KPNA7: variants seen among roughly 807,000 people sequenced by gnomAD.
KPNA7 encodes importin subunit alpha-8.
In KPNA7, 54 loss-of-function variants were observed where a neutral mutation model predicts 53.7. The observed-to-expected ratio is 1.01, with a 90% CI of 0.81 to 1.26. The LOEUF (loss-of-function observed/expected upper bound fraction) is 1.26. KPNA7 is among the 50% of genes most tolerant of loss of function. The probability of loss-of-function intolerance (pLI) is 0.00; values close to 1 mark genes in which losing one functional copy is unlikely to be tolerated. For missense variants in KPNA7, 640 were observed against 644.5 expected (o/e 0.99, Z 0.07); for synonymous variants, 276 against 259.3 (o/e 1.06, Z -0.62).
Position 99,193,239 on chromosome 7 carries a change from G to A in KPNA7, c.554-138C>T, listed in dbSNP as rs952147063. The A allele has an allele frequency of 1.7e-4, 89 of 521,378 alleles. No homozygotes were observed. The Admixed American group carries it at 2.0e-3, about 12-fold the overall frequency. 32.3% of individuals were successfully genotyped at this position (521,378 alleles called of 1,614,324 possible). On this transcript the variant is annotated intron_variant, in intron 5 of 10. Transcript: ENST00000327442. ...TTTAGCAAGTAGGTAGTAGAGCCAC[G>A]TACTAAATTCTGGAAGTCTGGCATG...
the KPNA7 span, among the ~76,000 whole-genome samples, chr7:99,160,049 G>T: frequency 9.0e-6 from 1 of 110,744 alleles, no homozygotes; most frequent in African/African-American, 3.8e-5. Context: ...TTTTGAGACA[G>T]TGTCTCGCTC....
intron 7 of KPNA7, among the ~76,000 whole-genome samples, chr7:99,187,419 TCTCA>T (rs937865642): frequency 1.3e-5 from 2 of 151,974 alleles, no homozygotes; most frequent in African/African-American, 2.4e-5. Context: ...TAATCCCCAG[TCTCA>T]CTGTCACTCT....
chr7:99,181,796 T>A (rs1229923556), intron 9 of KPNA7, 87 bp downstream of exon 9: 1 of 1,221,424 alleles, frequency 8.2e-7, no homozygotes, highest in African/African-American at 1.5e-5. Flanking sequence ...CCTCCCAAAG[T>A]ACAACTTGAA....
At chr7:99,214,497 G>A (rs960481749) in intron 1 of KPNA7, among the ~76,000 whole-genome samples, 1 of 147,400 alleles carries the variant, frequency 6.8e-6, no homozygotes, top group Non-Finnish European at 1.5e-5. Flanking sequence ...TTGTGGTGGT[G>A]TGCACCTGTA....
chr7:99,203,475 A>C (rs539820471), intron 2 of KPNA7, among the ~76,000 whole-genome samples: 1 of 152,286 alleles, frequency 6.6e-6, no homozygotes, highest in Non-Finnish European at 1.5e-5. Context: ...AAGACCATGC[A>C]CAACCTTGAC....
chr7:99,193,093 G>T lies in KPNA7; in HGVS notation c.562C>A (p.Pro188Thr). 2 of 1,492,696 alleles carry T rather than the reference G, an allele frequency of 1.3e-6. No individual in the cohort carries two copies. Among genetic ancestry groups the T allele is most frequent in the Non-Finnish European group, 1.8e-6 (2 of 1,123,390 alleles). 92.5% of individuals were successfully genotyped at this position (1,492,696 alleles called of 1,614,324 possible). Reference protein sequence around the residue: ...WALGNIAGDGPEFRDNVITSN... With the variant: ...WALGNIAGDGTEFRDNVITSN... ...GTGATGACGTTATCTCTGAACTCTG[G>T]GCCATCACCTACAAATAGAGCAGAA... The change falls in exon 6 of 11, where the codon CCA becomes ACA. Residue 188 changes from proline to threonine, a missense_variant. Transcript: ENST00000327442.
chr7:99,162,702 G>C, the KPNA7 span, among the ~76,000 whole-genome samples: 1 of 152,184 alleles, frequency 6.6e-6, no homozygotes, highest in East Asian at 1.9e-4. Context: ...TAGATCACTC[G>C]GACAACAGTG....
chr7:99,174,202 C>A (rs1239676433), intron 10 of KPNA7, among the ~76,000 whole-genome samples: 1 of 152,148 alleles, frequency 6.6e-6, no homozygotes, highest in East Asian at 1.9e-4. Flanking sequence ...AGCACAAACC[C>A]TATTGTGAAC....
chr7:99,188,067 C>G (rs1359743033), intron 7 of KPNA7, among the ~76,000 whole-genome samples: 1 of 149,918 alleles, frequency 6.7e-6, no homozygotes, highest in Non-Finnish European at 1.5e-5. Context: ...CCCAGCTACC[C>G]AGGAGGCTGA....
At chr7:99,199,065 G>GAAAAAAAAAAAAAA (rs67877761) in intron 3 of KPNA7, among the ~76,000 whole-genome samples, 4 of 61,144 alleles carry the variant, frequency 6.5e-5, no homozygotes, top group Non-Finnish European at 9.1e-5. Flanking sequence ...GCTGCAAACT[G>GAAAAAAAAAAAAAA]AAAAAAAAAA....
At position 99,188,431 on chromosome 7, in the gene KPNA7, C is replaced by A. The variant is rs752758269; in HGVS notation, c.769G>T (p.Val257Phe). 5.8e-6 allele frequency: 9 copies of A among 1,551,546 alleles called. No individual in the cohort carries two copies. The highest frequency in any genetic ancestry group is 2.4e-5 in the East Asian group (1 of 40,928). The change falls in exon 7 of 11, where the codon GTT becomes TTT. Residue 257 changes from valine to phenylalanine, a missense_variant. Val to Phe is a conservative substitution (Grantham distance 50). Coordinates refer to ENST00000327442, the MANE Select transcript of KPNA7 (RefSeq NM_001145715.3). ...LHLLQHQDSE[V>F]LSDACWALSY... ...AGTGCCCAGCAGGCATCCGAGAGAA[C>A]CTCACTGTCCTGGTGCTGCAGGAGG...
At chr7:99,213,962 T>C (rs1027595553) in intron 1 of KPNA7, among the ~76,000 whole-genome samples, 13 of 152,118 alleles carry the variant, frequency 8.5e-5, no homozygotes, top group African/African-American at 3.1e-4. Context: ...AAATGAAGTT[T>C]CATCTAATAC....
intron 6 of KPNA7, among the ~76,000 whole-genome samples, chr7:99,191,160 A>ATT (rs5886098): frequency 7.4e-6 from 1 of 134,680 alleles, no homozygotes; most frequent in African/African-American, 2.7e-5. Context: ...CTGCTATACA[A>ATT]TTTTTTTTTT....
chr7:99,212,720 T>C (rs1177260353), upstream of KPNA7, among the ~76,000 whole-genome samples: 1 of 151,502 alleles, frequency 6.6e-6, no homozygotes, highest in African/African-American at 2.4e-5. Context: ...TGAGACCCTA[T>C]CTCTACCAAA....
intron 3 of KPNA7, among the ~76,000 whole-genome samples, chr7:99,198,259 C>CA (rs1275326783): frequency 3.3e-5 from 5 of 151,140 alleles, no homozygotes; most frequent in African/African-American, 2.4e-5. Flanking sequence ...ACCAACTTTA[C>CA]AAAAAAAAAT....
At chr7:99,147,214 A>G in the KPNA7 span, among the ~76,000 whole-genome samples, 2 of 152,358 alleles carry the variant, frequency 1.3e-5, 1 homozygote, top group Admixed American at 1.3e-4. Context: ...GCAACTGACA[A>G]TGATACAGTG....
intron 6 of KPNA7, among the ~76,000 whole-genome samples, 184 bp from the exon 7 acceptor site, chr7:99,188,747 G>A (rs937497659): frequency 6.6e-6 from 1 of 152,096 alleles, no homozygotes; most frequent in Non-Finnish European, 1.5e-5. Flanking sequence ...ATGCAATCTT[G>A]GCTCACTGCA....
chr7:99,162,880 T>TA, the KPNA7 span, among the ~76,000 whole-genome samples: 15 of 151,822 alleles, frequency 9.9e-5, no homozygotes, highest in East Asian at 3.9e-4. Flanking sequence ...TCAGATTCTT[T>TA]GAAAAAAAGT....
Position 99,185,092 on chromosome 7 carries a change from G to C in KPNA7, c.971C>G (p.Ala324Gly). 1 of 1,551,956 alleles carries C rather than the reference G, an allele frequency of 6.4e-7. No homozygotes were observed. Among genetic ancestry groups the C allele is most frequent in the Non-Finnish European group, 8.7e-7 (1 of 1,147,058 alleles). The change falls in exon 8 of 11, where the codon GCG (alanine) becomes GGG (glycine). Residue 324 changes from alanine (A) to glycine (G), a missense_variant. Physicochemically the swap from Ala to Gly is moderately conservative, Grantham distance 60. Transcript: ENST00000327442. ...CTGGGGGAGCACGTTCAGCATACCC[G>C]CATCAATGGCCATCTGCGTCTGCTC... ...TDEQTQMAIDAGMLNVLPQLL... is the reference protein window; with the variant it reads ...TDEQTQMAIDGGMLNVLPQLL...
Sources: gnomAD v4.1 joint callset for allele counts (sites outside exome capture counted in the v4.1 genomes callset) on GRCh38, gnomAD v4.1.1 for gene constraint, MANE v1.5 for transcripts, NCBI Gene and HGNC (gene_info 2026-07-23, HGNC 2026-07-21) for gene names.